Variants in FAM117B observed in about 807,000 individuals in gnomAD.
FAM117B encodes family with sequence similarity 117 member B.
Under a neutral mutation model 52.8 loss-of-function variants are expected in FAM117B, and 22 were observed. That is an observed-to-expected ratio of 0.42 (90% CI 0.30 to 0.59). The LOEUF is 0.59. FAM117B is among the 20% of genes least tolerant of loss of function. FAM117B has a pLI of 0.22. For synonymous variants in FAM117B, 309 were observed against 324.1 expected, an observed-to-expected ratio of 0.95 and a Z score of 0.50; for missense variants, 678 against 802.6, an observed-to-expected ratio of 0.84 and a Z score of 1.88.
In FAM117B at chr2:202,714,187, G is replaced by C. The variant is rs185109461; in HGVS notation, c.754-10730G>C. Reference sequence around the variant, plus strand: ...AGTGAAGATGCTTGATATTATTTCAGATTTTTCAGAATGTGTTAAGACTTT... The same window carrying C: ...AGTGAAGATGCTTGATATTATTTCACATTTTTCAGAATGTGTTAAGACTTT... On this transcript the variant is annotated intron_variant, in intron 2 of 7. Coordinates refer to ENST00000392238, the MANE Select transcript of FAM117B (RefSeq NM_173511.4). Among the ~76,000 whole-genome samples the C allele has an allele frequency of 2.8e-3, 426 of 152,172 alleles. 3 individuals carry two copies. Among genetic ancestry groups the C allele is most frequent in the African/African-American group, 9.5e-3 (396 of 41,518 alleles).
intron 2 of FAM117B, among the ~76,000 whole-genome samples, chr2:202,701,035 A>T (rs1171232949): frequency 1.3e-5 from 2 of 152,122 alleles, no homozygotes; most frequent in African/African-American, 4.8e-5. Flanking sequence ...ATCTTGTAAG[A>T]AGATGCCGTC....
chr2:202,765,761 A>T lies in FAM117B; in HGVS notation c.1767A>T (p.Gly589=), dbSNP rs774940438. Residue 589 remains glycine, a synonymous_variant, in exon 8 of 8, where the codon GGA becomes GGT. Coordinates refer to ENST00000392238, the MANE Select transcript of FAM117B (RefSeq NM_173511.4). ...CAGAACCAATTGAGGAAGCTGAAGG[A>T]TAGGTCACAGTGCAACGTGGCTGTT... The part of the protein sequence containing the change: ...PPPEPIEEAE[G] The T allele has an allele frequency of 4.0e-5, 65 of 1,613,648 alleles. No individual in the cohort carries two copies. The South Asian group carries it at 6.6e-4, about 16-fold the overall frequency.
chr2:202,764,017 C>G (rs1348608115), intron 7 of FAM117B, among the ~76,000 whole-genome samples: 1 of 152,186 alleles, frequency 6.6e-6, no homozygotes, highest in Non-Finnish European at 1.5e-5. Flanking sequence ...GTCTTAACCT[C>G]TTCTGTGCTG....
chr2:202,699,820 TCTGCC>T (rs1690770481), intron 2 of FAM117B, among the ~76,000 whole-genome samples: 1 of 152,214 alleles, frequency 6.6e-6, no homozygotes, highest in Non-Finnish European at 1.5e-5. Context: ...TTGTGGCAAC[TCTGCC>T]CTGAGCAAGT....
At chr2:202,707,720 T>C (rs1690894082) in intron 2 of FAM117B, among the ~76,000 whole-genome samples, 1 of 151,800 alleles carries the variant, frequency 6.6e-6, no homozygotes, top group Admixed American at 6.6e-5. Flanking sequence ...AGTCATTCAG[T>C]CAGTCCATCA....
chr2:202,670,444 C>T (rs1690273142), intron 1 of FAM117B, among the ~76,000 whole-genome samples: 1 of 152,006 alleles, frequency 6.6e-6, no homozygotes, highest in Non-Finnish European at 1.5e-5. Context: ...CGCCTGCCAC[C>T]ATGCCCAGCT....
chr2:202,704,020 GTAAT>G (rs1387478779), intron 2 of FAM117B, among the ~76,000 whole-genome samples: 1 of 152,180 alleles, frequency 6.6e-6, no homozygotes, highest in Non-Finnish European at 1.5e-5. Flanking sequence ...GTTGTGGTAT[GTAAT>G]TGTTAGGATT....
At chr2:202,638,169 G>T (rs960413029) in intron 1 of FAM117B, among the ~76,000 whole-genome samples, 3 of 152,148 alleles carry the variant, frequency 2.0e-5, no homozygotes, top group Non-Finnish European at 2.9e-5. Context: ...GAGCTACCGC[G>T]CCCAGCCACT....
intron 2 of FAM117B, among the ~76,000 whole-genome samples, chr2:202,703,285 G>A (rs1335587400): frequency 1.3e-5 from 2 of 152,144 alleles, no homozygotes; most frequent in East Asian, 3.9e-4. Flanking sequence ...TTGTTTTCCT[G>A]CATCTGACTC....
At chr2:202,738,854 A>G (rs1036742848) in intron 4 of FAM117B, among the ~76,000 whole-genome samples, 1 of 152,208 alleles carries the variant, frequency 6.6e-6, no homozygotes, top group Non-Finnish European at 1.5e-5. Flanking sequence ...AATAAGTGCT[A>G]CTTACTCTAT....
intron 4 of FAM117B, among the ~76,000 whole-genome samples, chr2:202,754,633 A>G (rs1046917902): frequency 6.6e-5 from 10 of 152,076 alleles, no homozygotes; most frequent in African/African-American, 9.7e-5. Flanking sequence ...TCACACCTGT[A>G]ATCCCAGCAC....
intron 4 of FAM117B, among the ~76,000 whole-genome samples, chr2:202,737,705 G>A (rs908109032): frequency 1.9e-4 from 29 of 151,900 alleles, no homozygotes; most frequent in African/African-American, 5.8e-4. Context: ...GGGTTCAAGC[G>A]ATTTTCCCGC....
chr2:202,746,507 A>G (rs1691636140), intron 4 of FAM117B, among the ~76,000 whole-genome samples: 1 of 150,280 alleles, frequency 6.7e-6, no homozygotes, highest in South Asian at 2.1e-4. Flanking sequence ...TTAAAAAAAA[A>G]GATTTCAAAT....
chr2:202,760,712 C>G (rs935944938), intron 7 of FAM117B, among the ~76,000 whole-genome samples: 2 of 151,996 alleles, frequency 1.3e-5, no homozygotes, highest in Non-Finnish European at 2.9e-5. Context: ...GGAACTGTCT[C>G]TTCATATTTG....
intron 1 of FAM117B, among the ~76,000 whole-genome samples, chr2:202,668,218 CAATAT>C (rs1188226260): frequency 1.5e-4 from 21 of 140,616 alleles, no homozygotes; most frequent in Non-Finnish European, 2.7e-4. Flanking sequence ...ATATAATATA[CAATAT>C]AATATATATT....
intron 1 of FAM117B, among the ~76,000 whole-genome samples, chr2:202,642,691 TGGG>T (rs1689789658): frequency 2.0e-5 from 3 of 152,268 alleles, no homozygotes; most frequent in South Asian, 4.1e-4. Flanking sequence ...ACTTTGAACT[TGGG>T]GGTAAAAATT....
intron 2 of FAM117B, among the ~76,000 whole-genome samples, chr2:202,714,099 C>T (rs1424543063): frequency 6.6e-6 from 1 of 152,106 alleles, no homozygotes; most frequent in Non-Finnish European, 1.5e-5. Flanking sequence ...GTTTAATTTT[C>T]ATTTTTTTTT....
chr2:202,668,664 C>T (rs1690248229), intron 1 of FAM117B, among the ~76,000 whole-genome samples: 1 of 148,752 alleles, frequency 6.7e-6, no homozygotes, highest in South Asian at 2.1e-4. Context: ...AATAAAAGAA[C>T]ATTTTCTAAA....
chr2:202,691,251 A>G (rs1321263968), intron 1 of FAM117B, among the ~76,000 whole-genome samples: 1 of 152,066 alleles, frequency 6.6e-6, no homozygotes, highest in Non-Finnish European at 1.5e-5. Flanking sequence ...CGCTGTCTCT[A>G]CTAAAAGTAT....
Sources: gnomAD v4.1 joint callset for allele counts (sites outside exome capture counted in the v4.1 genomes callset) on GRCh38, gnomAD v4.1.1 for gene constraint, MANE v1.5 for transcripts, NCBI Gene and HGNC (gene_info 2026-07-23, HGNC 2026-07-21) for gene names.